Variants in LRMDA observed in about 807,000 individuals in gnomAD.
LRMDA encodes leucine rich melanocyte differentiation associated.
A neutral mutation model predicts 29.8 loss-of-function variants in LRMDA; 18 were observed. That is an observed-to-expected ratio of 0.60 (90% CI 0.42 to 0.90). LRMDA has a LOEUF of 0.90. Ranked by LOEUF, LRMDA falls within the 40% of genes least tolerant of loss-of-function variation. The probability of loss-of-function intolerance (pLI) is 0.00; values close to 1 mark genes in which losing one functional copy is unlikely to be tolerated. For synonymous variants in LRMDA, 125 were observed against 109.4 expected (o/e 1.14, Z -0.89); for missense variants, 273 against 273.9 (o/e 1.00, Z 0.02).
chr10:75,910,269 A>G (rs775443754), intron 2 of LRMDA, among the ~76,000 whole-genome samples: 1 of 152,164 alleles, frequency 6.6e-6, no homozygotes, highest in Non-Finnish European at 1.5e-5. Flanking sequence ...CTTTTAGATG[A>G]GTTGGAATAA....
intron 2 of LRMDA, among the ~76,000 whole-genome samples, chr10:75,616,974 A>G (rs1233356476): frequency 6.6e-6 from 1 of 152,320 alleles, no homozygotes; most frequent in African/African-American, 2.4e-5. Flanking sequence ...TATCATAAAG[A>G]CAAAACCTTA....
intron 5 of LRMDA, among the ~76,000 whole-genome samples, chr10:76,073,719 A>C (rs2132071682): frequency 6.6e-6 from 1 of 152,316 alleles, no homozygotes; most frequent in South Asian, 2.1e-4. Flanking sequence ...ATCTTGGCTG[A>C]GTCATTGCAC....
intron 2 of LRMDA, among the ~76,000 whole-genome samples, chr10:75,666,699 T>G (rs557260663): frequency 7.0e-4 from 104 of 148,184 alleles, no homozygotes; most frequent in African/African-American, 2.5e-3. Flanking sequence ...AGATGGTTGG[T>G]TTTTTTTTGA....
chr10:76,062,288 T>A (rs1848713428), intron 5 of LRMDA, among the ~76,000 whole-genome samples: 2 of 152,194 alleles, frequency 1.3e-5, no homozygotes, highest in Admixed American at 1.3e-4. Flanking sequence ...GCTATTTTCA[T>A]TTTATTCCTG....
chr10:76,462,082 C>CAA (rs747224713), intron 6 of LRMDA, among the ~76,000 whole-genome samples: 1 of 143,352 alleles, frequency 7.0e-6, no homozygotes, highest in Non-Finnish European at 1.5e-5. Context: ...AAAAACCACA[C>CAA]ACACACACAC....
At chr10:75,655,493 T>G (rs1369454665) in intron 2 of LRMDA, among the ~76,000 whole-genome samples, 2 of 152,222 alleles carry the variant, frequency 1.3e-5, no homozygotes, top group Non-Finnish European at 2.9e-5. Context: ...GCATGGTCTA[T>G]CCACATCTTT....
intron 2 of LRMDA, among the ~76,000 whole-genome samples, chr10:75,474,321 A>G (rs1381783474): frequency 6.6e-6 from 1 of 152,224 alleles, no homozygotes; most frequent in Non-Finnish European, 1.5e-5. Context: ...TGGCTGGCTT[A>G]TGAACAGCAG....
At chr10:75,894,929 C>T (rs1296386109) in intron 2 of LRMDA, among the ~76,000 whole-genome samples, 1 of 152,204 alleles carries the variant, frequency 6.6e-6, no homozygotes, top group African/African-American at 2.4e-5. Context: ...TTAGGTAATA[C>T]TGTTTTCCTT....
chr10:75,839,103 G>A (rs1844490753), intron 2 of LRMDA, among the ~76,000 whole-genome samples: 1 of 152,236 alleles, frequency 6.6e-6, no homozygotes, highest in Non-Finnish European at 1.5e-5. Flanking sequence ...AATACATAGA[G>A]CAGTTGTCAT....
chr10:76,431,090 C>A (rs746710937), intron 6 of LRMDA, among the ~76,000 whole-genome samples: 4 of 152,090 alleles, frequency 2.6e-5, no homozygotes, highest in Non-Finnish European at 4.4e-5. Context: ...GCTTTGGTTT[C>A]TGGTGAAAAA....
At chr10:76,436,923 C>A (rs190125525) in intron 6 of LRMDA, among the ~76,000 whole-genome samples, 16 of 152,096 alleles carry the variant, frequency 1.1e-4, no homozygotes, top group Non-Finnish European at 1.8e-4. Context: ...CCTTCCTTCT[C>A]CCTCCACCTA....
chr10:76,484,817 A>T (rs1216541882), intron 6 of LRMDA, among the ~76,000 whole-genome samples: 2 of 151,320 alleles, frequency 1.3e-5, no homozygotes, highest in Non-Finnish European at 3.0e-5. Context: ...ATGTATTTTG[A>T]TGCTCTGTTG....
chr10:76,237,922 C>G (rs1324126032), intron 5 of LRMDA, among the ~76,000 whole-genome samples: 1 of 151,090 alleles, frequency 6.6e-6, no homozygotes, highest in Non-Finnish European at 1.5e-5. Context: ...TCCTAAGTAG[C>G]TGGGATTACA....
chr10:75,950,118 T>TG (rs1846548694), intron 2 of LRMDA, among the ~76,000 whole-genome samples: 1 of 152,222 alleles, frequency 6.6e-6, no homozygotes, highest in South Asian at 2.1e-4. Context: ...GCCCTGAATG[T>TG]GGGTGGCTGT....
chr10:76,074,631 C>G (rs914798489), intron 5 of LRMDA, among the ~76,000 whole-genome samples: 4 of 152,100 alleles, frequency 2.6e-5, no homozygotes, highest in Admixed American at 1.3e-4. Context: ...TCTGGGGGAC[C>G]GTGCTCACTA....
intron 2 of LRMDA, among the ~76,000 whole-genome samples, chr10:75,662,658 A>G (rs1841769255): frequency 6.6e-6 from 1 of 152,246 alleles, no homozygotes; most frequent in African/African-American, 2.4e-5. Context: ...GAGGTGAATT[A>G]AGAAAATATT....
intron 2 of LRMDA, chr10:75,552,411 G>GT (rs1260028354): frequency 7.6e-6 from 2 of 264,792 alleles, no homozygotes; most frequent in Non-Finnish European, 8.0e-6. Context: ...GCTTTGTTCT[G>GT]TGTTTTTTTT....
chr10:75,828,140 A>G (rs1844277836), intron 2 of LRMDA, among the ~76,000 whole-genome samples: 1 of 152,084 alleles, frequency 6.6e-6, no homozygotes, highest in Non-Finnish European at 1.5e-5. Context: ...AACTGTTTTT[A>G]TGTTTGGTTT....
At chr10:75,707,208 C>T (rs1457587994) in intron 2 of LRMDA, among the ~76,000 whole-genome samples, 3 of 152,168 alleles carry the variant, frequency 2.0e-5, no homozygotes, top group Admixed American at 6.5e-5. Flanking sequence ...TACTATCTCC[C>T]TCTGTGTTTT....
Sources: gnomAD v4.1 joint callset for allele counts (sites outside exome capture counted in the v4.1 genomes callset) on GRCh38, gnomAD v4.1.1 for gene constraint, MANE v1.5 for transcripts, NCBI Gene and HGNC (gene_info 2026-07-23, HGNC 2026-07-21) for gene names.